Variants in ITK observed in about 807,000 individuals in gnomAD.
ITK encodes the protein IL2 inducible T cell kinase.
In ITK, 45 loss-of-function variants were observed where a neutral mutation model predicts 87.6. That is an observed-to-expected ratio of 0.51 (90% CI 0.40 to 0.66). The LOEUF is 0.66. Ranked by LOEUF, ITK falls within the 30% of genes least tolerant of loss-of-function variation. ITK has a pLI of 0.00. For synonymous variants in ITK, 303 were observed against 273.6 expected (o/e 1.11, Z -1.06); for missense variants, 605 against 766.3 (o/e 0.79, Z 2.48).
intron 1 of ITK, among the ~76,000 whole-genome samples, chr5:157,193,850 A>G (rs960364517): frequency 1.3e-5 from 2 of 152,160 alleles, no homozygotes; most frequent in African/African-American, 2.4e-5. Flanking sequence ...CCCGAAAGAC[A>G]GCAGAAACAT....
At chr5:157,249,787 T>C (rs1037592946) in intron 16 of ITK, among the ~76,000 whole-genome samples, 8 of 152,184 alleles carry the variant, frequency 5.3e-5, no homozygotes, top group African/African-American at 1.9e-4. Flanking sequence ...ATAGAGCTTT[T>C]ATAATCAGAA....
chr5:157,228,329 G>A lies in ITK; in HGVS notation c.681G>A (p.Val227=), dbSNP rs760264249. 1.6e-5 allele frequency: 25 copies of A among 1,606,250 alleles called. No individual in the cohort carries two copies. The highest frequency in any genetic ancestry group is 1.7e-4 in the Middle Eastern group (1 of 6,028). The change falls in exon 7 of 17, where the codon GTG becomes GTA. Residue 227 remains valine (V), a synonymous_variant. Transcript: ENST00000422843. ...HEGYVPSSYL[V]EKSPNNLETY... is the part of the protein sequence containing the mutation. ...GATATGTACCAAGCAGTTATCTGGT[G>A]GAAAAATCTCCAAATAATCTGGAAA...
intron 1 of ITK, among the ~76,000 whole-genome samples, chr5:157,189,659 C>T (rs375942539): frequency 2.1e-3 from 322 of 152,054 alleles, no homozygotes; most frequent in African/African-American, 3.1e-3. Context: ...CCAGCCTGGG[C>T]GACACAGCAA....
chr5:157,223,059 G>A (rs1754456382), intron 6 of ITK, 45 bp downstream of exon 6: 1 of 1,609,998 alleles, frequency 6.2e-7, no homozygotes, highest in Non-Finnish European at 8.5e-7. Context: ...GAGGTGTGGT[G>A]CGAACAAATA....
chr5:157,200,874 C>T (rs1361190452), intron 1 of ITK, among the ~76,000 whole-genome samples: 12 of 152,122 alleles, frequency 7.9e-5, no homozygotes, highest in Admixed American at 7.9e-4. Flanking sequence ...AGTCTACTGG[C>T]ATAGGGGTCT....
At chr5:157,227,197 C>T (rs895960261) in intron 6 of ITK, among the ~76,000 whole-genome samples, 31 of 152,082 alleles carry the variant, frequency 2.0e-4, no homozygotes, top group Admixed American at 2.0e-3. Flanking sequence ...ATAGTTTAAG[C>T]CCTTCATTTG....
At chr5:157,204,960 G>A (rs994110641) in intron 1 of ITK, among the ~76,000 whole-genome samples, 33 of 151,970 alleles carry the variant, frequency 2.2e-4, no homozygotes, top group African/African-American at 7.7e-4. Context: ...ATCAGCTTCC[G>A]GGCTGAGGAC....
intron 1 of ITK, among the ~76,000 whole-genome samples, chr5:157,203,098 T>C (rs1345860525): frequency 6.6e-6 from 1 of 152,216 alleles, no homozygotes; most frequent in Non-Finnish European, 1.5e-5. Context: ...TTAGATGCCC[T>C]TTCTCTCTCC....
chr5:157,238,392 G>A (rs528697627), intron 9 of ITK, among the ~76,000 whole-genome samples: 1 of 152,210 alleles, frequency 6.6e-6, no homozygotes, highest in Non-Finnish European at 1.5e-5. Context: ...ACAGAGCTGG[G>A]AGTGGATGCC....
chr5:157,221,496 G>T (rs992155195), intron 5 of ITK, among the ~76,000 whole-genome samples: 1 of 151,968 alleles, frequency 6.6e-6, no homozygotes. Context: ...GGGGAATGTG[G>T]GACTCTACAG....
chr5:157,214,953 G>T (rs1754269673), intron 4 of ITK, among the ~76,000 whole-genome samples: 1 of 152,062 alleles, frequency 6.6e-6, no homozygotes, highest in East Asian at 1.9e-4. Context: ...AAAAAAAGCT[G>T]TTTTTTTGCC....
chr5:157,223,080 A>G, intron 6 of ITK, 66 bp downstream of exon 6: 3 of 1,577,266 alleles, frequency 1.9e-6, no homozygotes, highest in Non-Finnish European at 2.6e-6. Context: ...AAATACCAGG[A>G]TGATTTGTCC....
intron 16 of ITK, among the ~76,000 whole-genome samples, chr5:157,249,405 CTTAAT>C (rs1448222158): frequency 6.6e-6 from 1 of 152,198 alleles, no homozygotes; most frequent in East Asian, 1.9e-4. Context: ...ATTAAAATGG[CTTAAT>C]TTGAGTTCAT....
intron 1 of ITK, among the ~76,000 whole-genome samples, chr5:157,207,377 C>CCTT (rs1754101276): frequency 1.7e-5 from 1 of 59,126 alleles, no homozygotes; most frequent in Admixed American, 2.5e-4. Context: ...AGATACGTCT[C>CCTT]TTTTTTTTTT....
chr5:157,242,596 C>A (rs915686204), intron 11 of ITK, among the ~76,000 whole-genome samples: 9 of 152,130 alleles, frequency 5.9e-5, no homozygotes, highest in African/African-American at 2.2e-4. Context: ...CCACCTCAGC[C>A]TCCCAAGTAG....
chr5:157,196,670 A>G (rs1753860782), intron 1 of ITK, among the ~76,000 whole-genome samples: 1 of 152,188 alleles, frequency 6.6e-6, no homozygotes, highest in South Asian at 2.1e-4. Context: ...TTTCTGCTGC[A>G]TACTTGGTTT....
At chr5:157,191,548 T>A (rs996710722) in intron 1 of ITK, among the ~76,000 whole-genome samples, 5 of 152,244 alleles carry the variant, frequency 3.3e-5, no homozygotes, top group African/African-American at 1.2e-4. Context: ...TCAGCACTGG[T>A]CTTTTCCCTC....
intron 4 of ITK, among the ~76,000 whole-genome samples, chr5:157,216,608 C>A (rs898402772): frequency 1.3e-5 from 2 of 151,954 alleles, no homozygotes; most frequent in Non-Finnish European, 2.9e-5. Flanking sequence ...CCAGAACTGG[C>A]CCTGATCTCC....
intron 9 of ITK, among the ~76,000 whole-genome samples, chr5:157,239,041 A>C (rs993651099): frequency 2.0e-5 from 3 of 152,186 alleles, no homozygotes; most frequent in African/African-American, 7.2e-5. Context: ...GAGGGAACAC[A>C]GTGTACATCA....
Sources: allele counts gnomAD v4.1 joint callset (sites outside exome capture counted in the v4.1 genomes callset), GRCh38; gene constraint gnomAD v4.1.1; transcripts MANE v1.5; gene names NCBI Gene and HGNC (gene_info 2026-07-23, HGNC 2026-07-21).